The following SMOC2 variants were observed in gnomAD, a reference collection of about 807,000 sequenced individuals.
SMOC2 encodes SPARC-related modular calcium-binding protein 2.
Under a neutral mutation model 61.4 loss-of-function variants are expected in SMOC2, and 39 were observed. The observed-to-expected ratio is 0.64, with a 90% CI of 0.49 to 0.83. The LOEUF (loss-of-function observed/expected upper bound fraction) is 0.83, where lower values mean the gene tolerates loss of function less well. Ranked by LOEUF, SMOC2 falls within the 40% of genes least tolerant of loss-of-function variation. The pLI, the probability that SMOC2 is intolerant of heterozygous loss-of-function variation, is 0.00. For missense variants in SMOC2, 556 were observed against 592.9 expected, an observed-to-expected ratio of 0.94 and a Z score of 0.65; for synonymous variants, 247 against 239.9, an observed-to-expected ratio of 1.03 and a Z score of -0.27.
intron 7 of SMOC2, among the ~76,000 whole-genome samples, chr6:168,574,400 G>A (rs779030393): frequency 6.6e-6 from 1 of 152,224 alleles, no homozygotes; most frequent in Non-Finnish European, 1.5e-5. Flanking sequence ...AGAACACGGC[G>A]CAGATCCTGT....
At chr6:168,474,151 G>C (rs976459746) in intron 1 of SMOC2, among the ~76,000 whole-genome samples, 5 of 152,102 alleles carry the variant, frequency 3.3e-5, no homozygotes, top group Admixed American at 3.3e-4. Flanking sequence ...TAGCACAGGT[G>C]GGGAGGAAAG....
rs373780856 is a variant in SMOC2, at chr6:168,660,632, T to A, written c.1286-3442T>A. On this transcript the variant is annotated intron_variant, in intron 11 of 12. Coordinates refer to ENST00000356284, the MANE Select transcript of SMOC2 (RefSeq NM_001166412.2). The stretch of plus-strand genomic sequence containing the variant: ...ATGCCGCCCTGGGCGGGAAGGCAGG[T>A]TCAGCGCAGGTCAGCACAGGTCTTG... Among the ~76,000 whole-genome samples, 11 of 152,206 alleles carry A rather than the reference T, an allele frequency of 7.2e-5. No homozygotes were observed. The South Asian group carries it at 1.5e-3, about 20-fold the overall frequency.
intron 8 of SMOC2, among the ~76,000 whole-genome samples, chr6:168,601,388 AGCGGCTGAG>A (rs1785552413): frequency 6.6e-6 from 1 of 152,244 alleles, no homozygotes; most frequent in Non-Finnish European, 1.5e-5. Context: ...TGCTGAGGCC[AGCGGCTGAG>A]GCTTGGCTTC....
intron 9 of SMOC2, among the ~76,000 whole-genome samples, chr6:168,631,810 C>G (rs1334473067): frequency 6.6e-6 from 1 of 152,110 alleles, no homozygotes; most frequent in African/African-American, 2.4e-5. Flanking sequence ...GATTATGTGT[C>G]CAGGTGAGAA....
intron 4 of SMOC2, among the ~76,000 whole-genome samples, chr6:168,532,141 T>A (rs1783620327): frequency 6.6e-6 from 1 of 152,188 alleles, no homozygotes; most frequent in African/African-American, 2.4e-5. Context: ...GTAGATGGCT[T>A]TAGGGCAGGT....
intron 4 of SMOC2, among the ~76,000 whole-genome samples, chr6:168,528,292 C>G (rs1783503774): frequency 9.1e-6 from 1 of 109,466 alleles, no homozygotes; most frequent in African/African-American, 3.1e-5. Flanking sequence ...GCCAATAGTG[C>G]TGTAAATGAT....
chr6:168,626,935 G>A (rs1370434730), intron 9 of SMOC2, among the ~76,000 whole-genome samples: 5 of 152,174 alleles, frequency 3.3e-5, no homozygotes, highest in African/African-American at 7.2e-5. Context: ...GACCTGCCGG[G>A]AGAGTCATTC....
intron 1 of SMOC2, among the ~76,000 whole-genome samples, chr6:168,479,798 A>G (rs1782168314): frequency 6.6e-6 from 1 of 152,186 alleles, no homozygotes; most frequent in Non-Finnish European, 1.5e-5. Context: ...ACACTGTTGC[A>G]TCTTACCCAT....
intron 9 of SMOC2, among the ~76,000 whole-genome samples, chr6:168,648,016 T>A (rs551623912): frequency 6.6e-6 from 1 of 152,360 alleles, no homozygotes; most frequent in Admixed American, 6.5e-5. Flanking sequence ...TTTTCTCATT[T>A]GAAATATTGT....
intron 9 of SMOC2, among the ~76,000 whole-genome samples, chr6:168,646,757 A>G (rs1325010521): frequency 9.9e-5 from 15 of 152,150 alleles, no homozygotes; most frequent in Non-Finnish European, 1.2e-4. Flanking sequence ...AGAAGGGCTC[A>G]GGGCTTTGTA....
intron 1 of SMOC2, among the ~76,000 whole-genome samples, chr6:168,458,314 T>C (rs1320977345): frequency 8.3e-5 from 12 of 144,780 alleles, no homozygotes; most frequent in South Asian, 2.2e-4. Context: ...CCTGCCCCTC[T>C]GGGGGCATCG....
chr6:168,667,474 A>G lies in SMOC2; in HGVS notation c.*1036A>G, dbSNP rs1449520738. 1 of 152,116 alleles carries G rather than the reference A, an allele frequency of 6.6e-6. No individual in the cohort carries two copies. The highest frequency in any genetic ancestry group is 6.5e-5 in the Admixed American group (1 of 15,280). 9.4% of individuals were successfully genotyped at this position (152,116 alleles called of 1,614,324 possible). On this transcript the variant is annotated 3_prime_UTR_variant, in exon 13 of 13. Coordinates refer to ENST00000356284, the MANE Select transcript of SMOC2 (RefSeq NM_001166412.2). ...CCACGGTTCCTTTCTGCTTTTCTGAATGCATCAAGGGTACGAGAACTTGCC... is the reference window on the plus strand; with the variant it reads ...CCACGGTTCCTTTCTGCTTTTCTGAGTGCATCAAGGGTACGAGAACTTGCC...
chr6:168,546,800 C>T (rs1784014273), intron 5 of SMOC2, among the ~76,000 whole-genome samples: 1 of 152,176 alleles, frequency 6.6e-6, no homozygotes, highest in African/African-American at 2.4e-5. Context: ...ACTTTCTTTA[C>T]TCTAATTATT....
intron 11 of SMOC2, chr6:168,655,301 T>C (rs1787292811): frequency 2.4e-6 from 1 of 422,908 alleles, no homozygotes; most frequent in Non-Finnish European, 4.8e-6. Context: ...CGTAAAATCA[T>C]TGCTGTGGCC....
chr6:168,441,356 G>A lies in SMOC2; in HGVS notation c.-15G>A. The A allele has an allele frequency of 6.7e-7, 1 of 1,500,308 alleles. No individual in the cohort carries two copies. The highest frequency in any genetic ancestry group is 2.8e-5 in the East Asian group (1 of 35,330). The allele number at this position is 1,500,308 out of a possible 1,614,324, so 92.9% of individuals were successfully genotyped here. A position where few individuals can be genotyped will look rare whatever the true frequency, so the allele number is the denominator to read the frequency against. ...AGGACGCGGCCGATCTCCCGCTCCCGCCACCTCCGCCACCATGCTGCTCCC... is the reference window on the plus strand; with the variant it reads ...AGGACGCGGCCGATCTCCCGCTCCCACCACCTCCGCCACCATGCTGCTCCC... On this transcript the variant is annotated 5_prime_UTR_variant, in exon 1 of 13. Transcript: ENST00000356284.
intron 9 of SMOC2, among the ~76,000 whole-genome samples, chr6:168,615,946 C>G (rs1205155784): frequency 6.6e-6 from 1 of 152,174 alleles, no homozygotes; most frequent in Non-Finnish European, 1.5e-5. Flanking sequence ...CCTTACCTTG[C>G]CCTAAGTGGA....
chr6:168,648,916 G>A (rs879146), intron 9 of SMOC2, among the ~76,000 whole-genome samples: 3,264 of 152,270 alleles, frequency 0.021, 115 homozygotes, highest in African/African-American at 0.074. Flanking sequence ...GTCTCCGAAC[G>A]ACTTGGCTGC....
intron 1 of SMOC2, among the ~76,000 whole-genome samples, chr6:168,498,179 A>G (rs1009401697): frequency 2.6e-5 from 4 of 152,216 alleles, no homozygotes; most frequent in Non-Finnish European, 4.4e-5. Flanking sequence ...CGAATAACAC[A>G]GTCTCCACTG....
intron 7 of SMOC2, among the ~76,000 whole-genome samples, chr6:168,579,712 TC>T (rs772064211): frequency 3.3e-5 from 5 of 152,044 alleles, no homozygotes; most frequent in Non-Finnish European, 7.4e-5. Flanking sequence ...GCGGAGATAC[TC>T]CCTGTGGCCT....
Sources: allele counts gnomAD v4.1 joint callset (sites outside exome capture counted in the v4.1 genomes callset), GRCh38; gene constraint gnomAD v4.1.1; transcripts MANE v1.5; gene names NCBI Gene and HGNC (gene_info 2026-07-23, HGNC 2026-07-21).